The following IL1RAPL2 variants were observed in gnomAD, a reference collection of about 807,000 sequenced individuals.
The protein encoded by IL1RAPL2 is X-linked interleukin-1 receptor accessory protein-like 2.
A neutral mutation model predicts 44.1 loss-of-function variants in IL1RAPL2; 3 were observed. The observed-to-expected ratio is 0.07, with a 90% CI of 0.03 to 0.18. IL1RAPL2 has a LOEUF of 0.18. Among genes scored for constraint, IL1RAPL2 ranks in the 10% least tolerant of loss-of-function variants. IL1RAPL2 has a pLI of 1.00. For missense variants in IL1RAPL2, 391 were observed against 496.4 expected, an observed-to-expected ratio of 0.79 and a Z score of 2.02; for synonymous variants, 181 against 178.8, an observed-to-expected ratio of 1.01 and a Z score of -0.10.
intron 1 of IL1RAPL2, among the ~76,000 whole-genome samples, chrX:104,589,064 AT>A (rs1383191890): frequency 9.0e-6 from 1 of 111,582 alleles, no homozygotes; most frequent in African/African-American, 3.3e-5. Context: ...GAGGTTGCAA[AT>A]TTTTTTGTGT....
In IL1RAPL2 at chrX:104,917,174, G is replaced by A. The variant is rs770774901; in HGVS notation, c.82+258179G>A. On this transcript the variant is annotated intron_variant, in intron 2 of 10. Transcript: ENST00000372582. ...AGCTCCTCTTTGTACCTCTGGTAGA[G>A]TTCGGCTGTGAATCCATCTGGTCCT... is the stretch of plus-strand genomic sequence containing the variant. 9.0e-5 allele frequency among the ~76,000 whole-genome samples: 10 copies of A among 111,422 alleles called. No homozygotes were observed. In the East Asian group the frequency reaches 2.8e-3, roughly 31 times the overall value.
intron 6 of IL1RAPL2, among the ~76,000 whole-genome samples, chrX:105,517,281 T>C (rs2036521632): frequency 9.0e-6 from 1 of 111,687 alleles, no homozygotes; most frequent in Non-Finnish European, 1.9e-5. Context: ...GATATGCTAC[T>C]GTAAACACAG....
At chrX:104,590,774 A>G (rs1372561956) in intron 1 of IL1RAPL2, among the ~76,000 whole-genome samples, 1 of 111,872 alleles carries the variant, frequency 8.9e-6, no homozygotes, top group Non-Finnish European at 1.9e-5. Flanking sequence ...ACTTGTTTTC[A>G]AAAAGAAAGA....
chrX:104,921,728 G>T (rs750739896), intron 2 of IL1RAPL2, among the ~76,000 whole-genome samples: 84 of 112,785 alleles, frequency 7.4e-4, no homozygotes, highest in Non-Finnish European at 8.6e-4. Flanking sequence ...AGGAGACCGG[G>T]CCAGGAAGGG....
chrX:105,638,164 A>G (rs1444480303), intron 6 of IL1RAPL2, among the ~76,000 whole-genome samples: 2 of 112,387 alleles, frequency 1.8e-5, no homozygotes, highest in Non-Finnish European at 3.8e-5. Flanking sequence ...GAAGCAGGAA[A>G]GACTGCAGTT....
At chrX:104,601,858 T>G (rs902495525) in intron 1 of IL1RAPL2, among the ~76,000 whole-genome samples, 5 of 112,032 alleles carry the variant, frequency 4.5e-5, no homozygotes, top group Non-Finnish European at 7.5e-5. Context: ...AAAACAGAAT[T>G]ACCATCTGAC....
chrX:105,464,023 A>G lies in IL1RAPL2; in HGVS notation c.698-20290A>G, dbSNP rs1365452794. Among the ~76,000 whole-genome samples, 4 of 112,367 alleles carry G rather than the reference A, an allele frequency of 3.6e-5. No individual in the cohort carries two copies. The East Asian group carries it at 8.5e-4, about 24-fold the overall frequency. On this transcript the variant is annotated intron_variant, in intron 5 of 10. Transcript: ENST00000372582. ...GCAGAGACTTCAAAATCTTCTATTT[A>G]TTTATAGTGCCTAGCACAATGCCAG...
chrX:105,500,142 G>A (rs1328414339), intron 6 of IL1RAPL2, among the ~76,000 whole-genome samples: 1 of 111,310 alleles, frequency 9.0e-6, no homozygotes, highest in Non-Finnish European at 1.9e-5. Flanking sequence ...ACTCTTAGAA[G>A]CAGAATGTAG....
intron 6 of IL1RAPL2, among the ~76,000 whole-genome samples, chrX:105,492,593 G>A (rs1015050633): frequency 3.7e-5 from 4 of 109,102 alleles, no homozygotes. Flanking sequence ...ATTATTTGTA[G>A]TGATAATATC....
chrX:104,758,843 C>T (rs1379172784), intron 2 of IL1RAPL2, among the ~76,000 whole-genome samples: 1 of 111,739 alleles, frequency 8.9e-6, no homozygotes, highest in Non-Finnish European at 1.9e-5. Context: ...TGACCCAATT[C>T]CAAATGTTTT....
chrX:105,077,476 A>C (rs902738994), intron 2 of IL1RAPL2, among the ~76,000 whole-genome samples: 1 of 110,626 alleles, frequency 9.0e-6, no homozygotes, highest in African/African-American at 3.3e-5. Flanking sequence ...TGCCCTTAAC[A>C]TTTTTTCCTT....
At chrX:104,848,957 A>G (rs901911825) in intron 2 of IL1RAPL2, among the ~76,000 whole-genome samples, 2 of 111,355 alleles carry the variant, frequency 1.8e-5, no homozygotes, top group Non-Finnish European at 3.8e-5. Flanking sequence ...AGATTTTTCA[A>G]TTATATGAAA....
At chrX:104,810,157 C>T (rs1932963276) in intron 2 of IL1RAPL2, among the ~76,000 whole-genome samples, 1 of 109,388 alleles carries the variant, frequency 9.1e-6, no homozygotes, top group Non-Finnish European at 1.9e-5. Flanking sequence ...AGTAAACTAT[C>T]ACAAGAACAA....
intron 5 of IL1RAPL2, among the ~76,000 whole-genome samples, chrX:105,340,570 C>T (rs764813769): frequency 3.6e-5 from 4 of 112,095 alleles, no homozygotes; most frequent in Non-Finnish European, 5.6e-5. Flanking sequence ...CATTGGCCAC[C>T]TTGATGTTCC....
chrX:104,828,141 T>C (rs1219539366), intron 2 of IL1RAPL2, among the ~76,000 whole-genome samples: 1 of 111,959 alleles, frequency 8.9e-6, no homozygotes, highest in Non-Finnish European at 1.9e-5. Context: ...TTTGTCAAAC[T>C]AATTTTTCCT....
chrX:105,177,042 G>T lies in IL1RAPL2; in HGVS notation c.83-18433G>T, dbSNP rs1358767979. On this transcript the variant is annotated intron_variant, in intron 2 of 10. Transcript: ENST00000372582. Reference sequence around the variant, plus strand: ...TATAGCAGGGGTCTTCAACCTCCTGGACCACAGACTGTGGCCTGGTACCAG... The same window carrying T: ...TATAGCAGGGGTCTTCAACCTCCTGTACCACAGACTGTGGCCTGGTACCAG... Among the ~76,000 whole-genome samples, 4 of 111,080 alleles carry T rather than the reference G, an allele frequency of 3.6e-5. 1 individual carries two copies. In the East Asian group the frequency reaches 1.1e-3, roughly 32 times the overall value.
chrX:105,261,478 T>TTTTGTTTGTTTG lies in IL1RAPL2; in HGVS notation c.544-5890_544-5879dup, dbSNP rs369041202. On this transcript the variant is annotated intron_variant, in intron 4 of 10. Transcript: ENST00000372582. ...TGCTTGCTCTCTCTTCAGGCTGTTT[T>TTTTGTTTGTTTG]TTTGTTTGTTTGTTTGTTTGTTTGT... 1.7e-3 allele frequency among the ~76,000 whole-genome samples: 193 copies of TTTTGTTTGTTTG among 110,572 alleles called. 1 individual carries two copies. The highest frequency in any genetic ancestry group is 6.4e-3 in the African/African-American group (188 of 29,572).
intron 6 of IL1RAPL2, among the ~76,000 whole-genome samples, chrX:105,553,043 T>C (rs1431338334): frequency 8.9e-6 from 1 of 112,265 alleles, no homozygotes; most frequent in African/African-American, 3.2e-5. Flanking sequence ...AAGTTTTAAC[T>C]AGAATTTCCT....
At chrX:105,006,593 C>A (rs1363421012) in intron 2 of IL1RAPL2, among the ~76,000 whole-genome samples, 1 of 110,923 alleles carries the variant, frequency 9.0e-6, no homozygotes, top group Non-Finnish European at 1.9e-5. Flanking sequence ...GAGTTCTGAG[C>A]TCTACTGAAG....
Sources: allele counts gnomAD v4.1 joint callset (sites outside exome capture counted in the v4.1 genomes callset), GRCh38; gene constraint gnomAD v4.1.1; transcripts MANE v1.5; gene names NCBI Gene and HGNC (gene_info 2026-07-23, HGNC 2026-07-21).